The following INPP5F variants were observed in gnomAD, a reference collection of about 807,000 sequenced individuals.
The protein encoded by INPP5F is phosphatidylinositide 4-phosphatase SAC2.
A neutral mutation model predicts 137.2 loss-of-function variants in INPP5F; 97 were observed. The observed-to-expected ratio is 0.71, with a 90% CI of 0.60 to 0.84. The LOEUF (loss-of-function observed/expected upper bound fraction) is 0.84, where lower values mean the gene tolerates loss of function less well. Ranked by LOEUF, INPP5F falls within the 40% of genes least tolerant of loss-of-function variation. The pLI is 0.00. For synonymous variants in INPP5F, 504 were observed against 476.9 expected (o/e 1.06, Z -0.74); for missense variants, 1,271 against 1,371.9 (o/e 0.93, Z 1.16).
intron 15 of INPP5F, among the ~76,000 whole-genome samples, chr10:119,812,997 AC>A (rs573270192): frequency 8.9e-4 from 135 of 152,184 alleles, no homozygotes; most frequent in Non-Finnish European, 1.4e-3. Context: ...TTGAGTTTTA[AC>A]TGCACTTAGA....
chr10:119,726,738 G>C (rs1847904892), intron 1 of INPP5F, among the ~76,000 whole-genome samples: 1 of 152,198 alleles, frequency 6.6e-6, no homozygotes, highest in African/African-American at 2.4e-5. Context: ...CATGGCCTTC[G>C]CCAGAAGTTC....
chr10:119,779,331 A>G (rs1849628792), intron 2 of INPP5F, among the ~76,000 whole-genome samples: 1 of 152,298 alleles, frequency 6.6e-6, no homozygotes, highest in East Asian at 1.9e-4. Context: ...ACATTATCGT[A>G]CACTACTATA....
chr10:119,805,604 T>G, intron 11 of INPP5F, 143 bp downstream of exon 11: 1 of 645,538 alleles, frequency 1.5e-6, no homozygotes, highest in East Asian at 2.7e-5. Context: ...TTCAAGAGAA[T>G]GTTGCTGACC....
At chr10:119,768,485 C>T (rs171907) in intron 2 of INPP5F, 54,854 of 151,920 alleles carry the variant, frequency 0.36, 10,131 homozygotes, top group South Asian at 0.46. Context: ...GTAGTGGGGT[C>T]GTGCCTGTGA....
intron 1 of INPP5F, among the ~76,000 whole-genome samples, chr10:119,749,842 G>A (rs187078843): frequency 1.7e-3 from 260 of 152,232 alleles, no homozygotes; most frequent in African/African-American, 6.0e-3. Context: ...GCCGTGGTGC[G>A]ATCTTGGCTC....
At chr10:119,796,664 G>A in intron 6 of INPP5F, 51 bp from the exon 7 acceptor site, 1 of 1,366,278 alleles carries the variant, frequency 7.3e-7, no homozygotes, top group Non-Finnish European at 1.0e-6. Context: ...GTTTAAGAAA[G>A]TAGCAGTGCT....
At chr10:119,811,716 G>A in intron 14 of INPP5F, 41 bp from the exon 15 acceptor site, 1 of 1,489,100 alleles carries the variant, frequency 6.7e-7, no homozygotes, top group Non-Finnish European at 9.2e-7. Context: ...AAATATATTA[G>A]TAAACTAAAA....
At chr10:119,786,596 G>A (rs1849925101) in intron 3 of INPP5F, among the ~76,000 whole-genome samples, 1 of 152,134 alleles carries the variant, frequency 6.6e-6, no homozygotes, top group Non-Finnish European at 1.5e-5. Flanking sequence ...TGTCACACAG[G>A]CTGGAATGCA....
At chr10:119,822,997 G>C (rs1221734614) in intron 17 of INPP5F, 74 bp from the exon 18 acceptor site, 1 of 1,397,872 alleles carries the variant, frequency 7.2e-7, no homozygotes, top group Non-Finnish European at 9.8e-7. Context: ...AAAATGTGTT[G>C]GGTCTTTTTA....
At chr10:119,807,675 AAATAT>A (rs1337635523) in intron 12 of INPP5F, among the ~76,000 whole-genome samples, 3 of 152,230 alleles carry the variant, frequency 2.0e-5, no homozygotes, top group Non-Finnish European at 2.9e-5. Context: ...AACAAAGACA[AAATAT>A]AATAGTATGA....
chr10:119,823,882 A>T lies in INPP5F; in HGVS notation c.2229A>T (p.Ile743=), dbSNP rs763533940. The T allele has an allele frequency of 6.2e-7, 1 of 1,613,484 alleles. No homozygotes were observed. The change falls in exon 19 of 20, where the codon ATA becomes ATT. Residue 743 remains isoleucine (I), a synonymous_variant. Coordinates refer to ENST00000650623, the MANE Select transcript of INPP5F (RefSeq NM_014937.4). ...TKQAMGSDLP[I]IEKKLERKSS... ...AAGCCATGGGATCGGATTTACCCATAATTGAGAAGAAACTTGAGAGGTGAG... is the reference window on the plus strand; with the variant it reads ...AAGCCATGGGATCGGATTTACCCATTATTGAGAAGAAACTTGAGAGGTGAG...
At chr10:119,815,032 A>AT (rs1224768162) in intron 15 of INPP5F, among the ~76,000 whole-genome samples, 1 of 151,836 alleles carries the variant, frequency 6.6e-6, no homozygotes, top group African/African-American at 2.4e-5. Context: ...CGCCCGGCTA[A>AT]TTTTTTGTAT....
intron 2 of INPP5F, among the ~76,000 whole-genome samples, chr10:119,778,521 A>G (rs1399165507): frequency 3.3e-5 from 5 of 152,130 alleles, no homozygotes; most frequent in Non-Finnish European, 4.4e-5. Flanking sequence ...TGAGAAGTAG[A>G]AATTTGGATT....
chr10:119,777,965 A>G (rs1443873639), intron 2 of INPP5F, among the ~76,000 whole-genome samples: 1 of 152,116 alleles, frequency 6.6e-6, no homozygotes, highest in Non-Finnish European at 1.5e-5. Flanking sequence ...TGGGGAATAA[A>G]TGAGGGAAAT....
rs935483068 is a variant in INPP5F at position 119,787,364 on chromosome 10, A to C, written c.316-4153A>C. Among the ~76,000 whole-genome samples, 2 of 152,050 alleles carry C rather than the reference A, an allele frequency of 1.3e-5. No individual in the cohort carries two copies. The highest frequency in any genetic ancestry group is 3.9e-4 in the East Asian group (2 of 5,176). On this transcript the variant is annotated intron_variant, in intron 3 of 19. Transcript: ENST00000650623. The surrounding 1 kb of genome is among the most constrained non-coding windows in gnomAD (Gnocchi z 4.1). ...CTTTGAGAGGCCGAGGCAAGCAGAT[A>C]ACTTGAGGTCAGGAGTTCAAGACCA...
chr10:119,769,629 A>G (rs1297945487), intron 2 of INPP5F, among the ~76,000 whole-genome samples: 4 of 152,192 alleles, frequency 2.6e-5, no homozygotes, highest in African/African-American at 4.8e-5. Flanking sequence ...GAACAGAAGC[A>G]AAAAGGAAGT....
intron 19 of INPP5F, among the ~76,000 whole-genome samples, chr10:119,824,171 G>A (rs1203291309): frequency 6.6e-6 from 1 of 152,032 alleles, no homozygotes; most frequent in East Asian, 1.9e-4. Flanking sequence ...TTATATTACC[G>A]ACTTATAACC....
chr10:119,776,586 A>G (rs34139076), intron 2 of INPP5F, among the ~76,000 whole-genome samples: 6,329 of 152,174 alleles, frequency 0.042, 237 homozygotes, highest in South Asian at 0.22. Flanking sequence ...TATTAAAATC[A>G]TAATTTGTAA....
intron 15 of INPP5F, chr10:119,819,683 C>T (rs1194511912): frequency 4.3e-6 from 2 of 470,336 alleles, no homozygotes; most frequent in Admixed American, 4.1e-5. Flanking sequence ...TGTGTGTTCC[C>T]GGTCTTGGCA....
Sources: allele counts gnomAD v4.1 joint callset (sites outside exome capture counted in the v4.1 genomes callset), GRCh38; gene constraint gnomAD v4.1.1; non-coding constraint Gnocchi (gnomAD v3.1); transcripts MANE v1.5; gene names NCBI Gene and HGNC (gene_info 2026-07-23, HGNC 2026-07-21).